The following SOX5 variants were observed in gnomAD, a reference collection of about 807,000 sequenced individuals.
SOX5 encodes transcription factor SOX-5.
SOX5 carries 9 observed loss-of-function variants against 92.0 expected under a neutral mutation model. That is an observed-to-expected ratio of 0.10 (90% CI 0.06 to 0.17). SOX5 has a LOEUF of 0.17. Among genes scored for constraint, SOX5 ranks in the 10% least tolerant of loss-of-function variants. The pLI is 1.00. For synonymous variants in SOX5, 344 were observed against 336.3 expected (o/e 1.02, Z -0.25); for missense variants, 642 against 944.5 (o/e 0.68, Z 4.20).
upstream of SOX5, chr12:23,950,977 GCACACACACACACACA>G: frequency 1.6e-6 from 1 of 619,112 alleles, no homozygotes; most frequent in Non-Finnish European, 2.9e-6. Context: ...ACACACGCAT[GCACACACACACACACA>G]CACACACACA....
chr12:23,656,592 T>C (rs1189737835), intron 7 of SOX5, among the ~76,000 whole-genome samples: 2 of 152,106 alleles, frequency 1.3e-5, no homozygotes, highest in Non-Finnish European at 2.9e-5. Flanking sequence ...AGGAAGAAGA[T>C]ATCCATAATG....
At chr12:24,389,773 G>A (rs1047037175) in intron 1 of SOX5, among the ~76,000 whole-genome samples, 5 of 152,188 alleles carry the variant, frequency 3.3e-5, no homozygotes, top group Non-Finnish European at 5.9e-5. Context: ...GGTAACTCAT[G>A]AGGTTTAACA....
At chr12:23,794,491 G>A (rs2095529295) in intron 3 of SOX5, among the ~76,000 whole-genome samples, 1 of 152,028 alleles carries the variant, frequency 6.6e-6, no homozygotes, top group South Asian at 2.1e-4. Context: ...AAAAATGATA[G>A]TACTATTCTT....
At chr12:23,683,625 C>T (rs1190643041) in intron 6 of SOX5, among the ~76,000 whole-genome samples, 1 of 151,976 alleles carries the variant, frequency 6.6e-6, no homozygotes, top group Non-Finnish European at 1.5e-5. Context: ...GTAAATGGTT[C>T]ACCTGCAAAG....
chr12:24,300,475 C>A (rs570689793), intron 2 of SOX5, among the ~76,000 whole-genome samples: 4 of 152,260 alleles, frequency 2.6e-5, no homozygotes, highest in Admixed American at 6.5e-5. Context: ...GGACATTATC[C>A]TTGCAACGAG....
chr12:24,555,714 T>A (rs1233375248), intron 1 of SOX5, among the ~76,000 whole-genome samples: 1 of 152,148 alleles, frequency 6.6e-6, no homozygotes, highest in Non-Finnish European at 1.5e-5. Context: ...CAAAGAGACC[T>A]CAAAGAAATT....
rs768157437 is a variant in SOX5, at chr12:24,355,282, C to CTTTTTTT, written c.-174+13274_-174+13280dup. ...TTAGCAGGTGTGGTGAGGGGTGCAT[C>CTTTTTTT]TTTTTTTTTTTTTTTTTTTTTTTTT... On this transcript the variant is annotated intron_variant, in intron 2 of 4. Transcript: ENST00000446891. Among the ~76,000 whole-genome samples, 151 of 71,910 alleles carry CTTTTTTT rather than the reference C, an allele frequency of 2.1e-3. 9 individuals are homozygous for CTTTTTTT. The highest frequency in any genetic ancestry group is 2.9e-3 in the African/African-American group (39 of 13,610). 47.2% of individuals were successfully genotyped at this position (71,910 alleles called of 152,430 possible). A position where few individuals can be genotyped will look rare whatever the true frequency, so the allele number is the denominator to read the frequency against.
chr12:24,023,963 C>G (rs528373519), intron 4 of SOX5, among the ~76,000 whole-genome samples: 2 of 152,026 alleles, frequency 1.3e-5, no homozygotes, highest in South Asian at 4.2e-4. Context: ...CTTTACGTGT[C>G]CTGTTATCAT....
At chr12:23,704,185 G>A (rs1048051141) in intron 6 of SOX5, among the ~76,000 whole-genome samples, 1 of 151,674 alleles carries the variant, frequency 6.6e-6, no homozygotes, top group Non-Finnish European at 1.5e-5. Context: ...GTGTGTGTGT[G>A]TAAAGTTTTT....
chr12:24,007,162 C>A (rs796430615), intron 4 of SOX5, among the ~76,000 whole-genome samples: 247 of 15,952 alleles, frequency 0.015, 19 homozygotes, highest in South Asian at 0.13. Context: ...TATATATATA[C>A]ATTTATATAT....
At chr12:23,694,719 T>C (rs747034038) in intron 6 of SOX5, among the ~76,000 whole-genome samples, 13 of 152,168 alleles carry the variant, frequency 8.5e-5, no homozygotes, top group Non-Finnish European at 1.9e-4. Context: ...ACAACAACAA[T>C]GAATAAGCTT....
chr12:24,039,872 C>T lies in SOX5; in HGVS notation c.-1-143848G>A, dbSNP rs555717316. Among the ~76,000 whole-genome samples, 9 of 152,206 alleles carry T rather than the reference C, an allele frequency of 5.9e-5. No individual in the cohort carries two copies. The East Asian group carries it at 9.6e-4, about 16-fold the overall frequency. On this transcript the variant is annotated intron_variant, in intron 4 of 4. Transcript: ENST00000446891. ...TTATCAAATGCCTATTGTGTCCTACCGGAAGTGTCTCAGTTCTGTCGGAAG... is the reference window on the plus strand; with the variant it reads ...TTATCAAATGCCTATTGTGTCCTACTGGAAGTGTCTCAGTTCTGTCGGAAG...
chr12:23,961,528 C>G (rs764259034), intron 4 of SOX5, among the ~76,000 whole-genome samples: 8 of 152,174 alleles, frequency 5.3e-5, no homozygotes, highest in Admixed American at 6.5e-5. Context: ...TATCTTCCCC[C>G]CTTCCCTTCT....
chr12:24,005,763 C>T (rs559942300), intron 4 of SOX5, among the ~76,000 whole-genome samples: 2 of 152,292 alleles, frequency 1.3e-5, no homozygotes, highest in South Asian at 4.1e-4. Context: ...ACAGATACAG[C>T]TGTCACCATG....
intron 6 of SOX5, among the ~76,000 whole-genome samples, chr12:23,723,579 T>TATATATATAC (rs1555292606): frequency 2.0e-5 from 3 of 147,530 alleles, no homozygotes; most frequent in Non-Finnish European, 4.5e-5. Flanking sequence ...TATATATATA[T>TATATATATAC]ATACACACAC....
intron 3 of SOX5, among the ~76,000 whole-genome samples, chr12:23,831,464 G>A (rs1409087836): frequency 6.6e-6 from 1 of 151,952 alleles, no homozygotes; most frequent in Non-Finnish European, 1.5e-5. Context: ...AGGGACGGAT[G>A]GGGGAATGTG....
chr12:24,064,973 G>A (rs188803441), intron 4 of SOX5, among the ~76,000 whole-genome samples: 5 of 152,280 alleles, frequency 3.3e-5, no homozygotes, highest in East Asian at 1.9e-4. Flanking sequence ...TTTTTAAACC[G>A]AGGTTGAAAA....
At chr12:23,976,288 A>G (rs1379034163) in intron 4 of SOX5, among the ~76,000 whole-genome samples, 2 of 151,528 alleles carry the variant, frequency 1.3e-5, no homozygotes, top group Non-Finnish European at 2.9e-5. Context: ...TCTTGGAGAA[A>G]TTCTTGGAGA....
intron 2 of SOX5, among the ~76,000 whole-genome samples, chr12:23,880,926 G>T (rs775094367): frequency 1.3e-5 from 2 of 152,086 alleles, no homozygotes; most frequent in African/African-American, 2.4e-5. Context: ...GAATAAAATC[G>T]TTTTTTCTAC....
Sources: allele counts gnomAD v4.1 joint callset (sites outside exome capture counted in the v4.1 genomes callset), GRCh38; gene constraint gnomAD v4.1.1; transcripts MANE v1.5; gene names NCBI Gene and HGNC (gene_info 2026-07-23, HGNC 2026-07-21).